INSYN2B: variants seen among roughly 807,000 people sequenced by gnomAD.
INSYN2B encodes inhibitory synaptic factor family member 2B, also known as protein INSYN2B.
INSYN2B carries 16 observed loss-of-function variants against 41.2 expected under a neutral mutation model. The ratio of observed to expected loss-of-function variants is 0.39; its 90% CI spans 0.26 to 0.59. INSYN2B has a LOEUF of 0.59. INSYN2B is among the 20% of genes least tolerant of loss of function. The pLI is 0.57. For synonymous variants in INSYN2B, 245 were observed against 244.4 expected (o/e 1.00, Z -0.02); for missense variants, 608 against 646.4 (o/e 0.94, Z 0.64).
rs543405580 is a variant in INSYN2B at position 169,943,387 on chromosome 5, G to A, written c.-919+36890C>T. ...CTTAGGTCCTGGACCTGTGGCCCGC[G>A]GGCCATATTCTACACAGGAATATGG... On this transcript the variant is annotated intron_variant, in intron 1 of 3. Transcript: ENST00000377365. Among the ~76,000 whole-genome samples, 37 of 152,042 alleles carry A rather than the reference G, an allele frequency of 2.4e-4. No individual in the cohort carries two copies. In the East Asian group the frequency reaches 6.0e-3, roughly 25 times the overall value.
chr5:169,934,402 G>T (rs377735409), intron 1 of INSYN2B, among the ~76,000 whole-genome samples: 1 of 152,072 alleles, frequency 6.6e-6, no homozygotes, highest in Non-Finnish European at 1.5e-5. Flanking sequence ...TTACCTATCC[G>T]CATGCCCGTG....
intron 1 of INSYN2B, among the ~76,000 whole-genome samples, chr5:169,930,210 T>TCAATCTCCTGACCTTGTGATCC (rs1775679253): frequency 6.6e-6 from 1 of 152,162 alleles, no homozygotes; most frequent in Non-Finnish European, 1.5e-5. Context: ...TAGGATGGTC[T>TCAATCTCCTGACCTTGTGATCC]CAATCTCCTG....
chr5:169,865,643 A>T (rs930750255), intron 3 of INSYN2B, among the ~76,000 whole-genome samples: 1 of 152,236 alleles, frequency 6.6e-6, no homozygotes, highest in African/African-American at 2.4e-5. Context: ...ACCTGGTTTC[A>T]TACCAGGGGT....
At chr5:169,879,775 T>C (rs184281875) in intron 3 of INSYN2B, among the ~76,000 whole-genome samples, 247 of 152,324 alleles carry the variant, frequency 1.6e-3, no homozygotes, top group South Asian at 5.4e-3. Context: ...TTAAAGACCC[T>C]CATTTTTCAG....
At chr5:169,936,599 T>TTA (rs1436303619) in intron 1 of INSYN2B, among the ~76,000 whole-genome samples, 1 of 130,786 alleles carries the variant, frequency 7.6e-6, no homozygotes, top group African/African-American at 3.0e-5. Context: ...TTTTTTTTTT[T>TTA]ATGAATTAGC....
chr5:169,893,182 C>A (rs912811408), intron 1 of INSYN2B, among the ~76,000 whole-genome samples: 1 of 152,208 alleles, frequency 6.6e-6, no homozygotes, highest in African/African-American at 2.4e-5. Flanking sequence ...AGCCTCAGGG[C>A]ACCTGCCCTG....
chr5:169,879,469 G>T (rs1772513927), intron 3 of INSYN2B, among the ~76,000 whole-genome samples: 1 of 152,198 alleles, frequency 6.6e-6, no homozygotes, highest in African/African-American at 2.4e-5. Context: ...CAATGGCTTA[G>T]ATACAAGGAT....
chr5:169,864,527 A>C, intron 3 of INSYN2B, 68 bp from the exon 4 acceptor site: 2 of 1,203,786 alleles, frequency 1.7e-6, no homozygotes, highest in South Asian at 3.2e-5. Flanking sequence ...AGCATCTCTC[A>C]GCCCCAACTA....
At chr5:169,915,673 A>G (rs115915532) in intron 1 of INSYN2B, among the ~76,000 whole-genome samples, 1,528 of 152,014 alleles carry the variant, frequency 0.01, 29 homozygotes, top group African/African-American at 0.035. Flanking sequence ...ACTGATGTTC[A>G]TTATTTAGAT....
At chr5:169,975,115 A>AGGAG (rs899037278) in intron 1 of INSYN2B, among the ~76,000 whole-genome samples, 1 of 152,228 alleles carries the variant, frequency 6.6e-6, no homozygotes, top group Non-Finnish European at 1.5e-5. Flanking sequence ...CACCTGCTGA[A>AGGAG]GGAGGGCCAG....
chr5:169,920,928 A>T (rs1775139730), intron 1 of INSYN2B, among the ~76,000 whole-genome samples: 1 of 152,202 alleles, frequency 6.6e-6, no homozygotes, highest in South Asian at 2.1e-4. Context: ...ATTGTCAAAA[A>T]ATATAGTTAA....
At chr5:169,947,942 A>G (rs1776511393) in intron 1 of INSYN2B, among the ~76,000 whole-genome samples, 2 of 152,210 alleles carry the variant, frequency 1.3e-5, no homozygotes, top group Admixed American at 6.5e-5. Context: ...TGCGTTCTGC[A>G]AAGCTTCACC....
intron 1 of INSYN2B, among the ~76,000 whole-genome samples, chr5:169,976,944 G>A (rs968261684): frequency 7.9e-5 from 12 of 152,148 alleles, no homozygotes; most frequent in South Asian, 2.1e-4. Flanking sequence ...TGAACCTTGC[G>A]GATCAAAAAG....
intron 1 of INSYN2B, among the ~76,000 whole-genome samples, chr5:169,950,758 G>A (rs1197886755): frequency 6.6e-6 from 1 of 152,190 alleles, no homozygotes; most frequent in Non-Finnish European, 1.5e-5. Context: ...AGATTCGGGT[G>A]TATCAGGACC....
At chr5:169,940,105 C>T (rs955639217) in intron 1 of INSYN2B, among the ~76,000 whole-genome samples, 7 of 152,152 alleles carry the variant, frequency 4.6e-5, no homozygotes, top group African/African-American at 1.7e-4. Flanking sequence ...GATTAGGGTC[C>T]CATGGTCCCC....
chr5:169,958,675 A>C (rs953945643), intron 1 of INSYN2B, among the ~76,000 whole-genome samples: 3 of 152,028 alleles, frequency 2.0e-5, no homozygotes, highest in African/African-American at 4.8e-5. Flanking sequence ...TTAGGCGTGG[A>C]GCTCTCTTGA....
At chr5:169,914,350 T>C (rs1368413796) in intron 1 of INSYN2B, among the ~76,000 whole-genome samples, 10 of 152,236 alleles carry the variant, frequency 6.6e-5, no homozygotes, top group Non-Finnish European at 1.5e-4. Flanking sequence ...TTAATCTCAC[T>C]GATTCCTTCA....
Position 169,864,206 on chromosome 5 carries a change from G to T in INSYN2B, c.*67C>A, listed in dbSNP as rs1043211937. On this transcript the variant is annotated 3_prime_UTR_variant, in exon 4 of 4. Coordinates refer to ENST00000377365, the MANE Select transcript of INSYN2B (RefSeq NM_001129891.3). ...TGCAAAGAAGCAGGGCAGGCCTTAA[G>T]TGCAGTGGATTTCCCATCTCAGGGA... The T allele has an allele frequency of 2.9e-6, 4 of 1,365,736 alleles. No individual in the cohort carries two copies. The highest frequency in any genetic ancestry group is 2.0e-5 in the Admixed American group (1 of 50,658). 84.6% of individuals were successfully genotyped at this position (1,365,736 alleles called of 1,614,324 possible).
chr5:169,883,467 C>T lies in INSYN2B; in HGVS notation c.432G>A (p.Val144=), dbSNP rs1356833356. Residue 144 remains valine (V), a synonymous_variant, in exon 2 of 4, where the codon GTG becomes GTA. Transcript: ENST00000377365. The part of the protein sequence containing the change: ...VNGNLSEQDI[V]SSDLAYLRLA... The stretch of plus-strand genomic sequence containing the variant: ...ACCTTAAGTAGGCAAGGTCAGAAGA[C>T]ACAATGTCCTGTTCAGAGAGGTTAC... 6.4e-7 allele frequency: 1 copy of T among 1,551,644 alleles called. No individual in the cohort carries two copies. Among genetic ancestry groups the T allele is most frequent in the South Asian group, 1.2e-5 (1 of 84,066 alleles).
Sources: gnomAD v4.1 joint callset for allele counts (sites outside exome capture counted in the v4.1 genomes callset) on GRCh38, gnomAD v4.1.1 for gene constraint, MANE v1.5 for transcripts, NCBI Gene and HGNC (gene_info 2026-07-23, HGNC 2026-07-21) for gene names.